The following NF2 variants were observed in gnomAD, a reference collection of about 807,000 sequenced individuals.
NF2 encodes NF2, moesin-ezrin-radixin like (MERLIN) tumor suppressor.
A neutral mutation model predicts 83.7 loss-of-function variants in NF2; 8 were observed. The ratio of observed to expected loss-of-function variants is 0.10; its 90% CI spans 0.06 to 0.17. The LOEUF is 0.17. NF2 is among the 10% of genes least tolerant of loss of function. The pLI, the probability that NF2 is intolerant of heterozygous loss-of-function variation, is 1.00. For missense variants in NF2, 533 were observed against 744.4 expected (o/e 0.72, Z 3.31); for synonymous variants, 266 against 269.6 (o/e 0.99, Z 0.13).
chr22:29,630,310 A>G (rs1241002199), intron 1 of NF2, among the ~76,000 whole-genome samples: 5 of 152,224 alleles, frequency 3.3e-5, no homozygotes, highest in African/African-American at 1.2e-4. Flanking sequence ...AGTGCTATTT[A>G]CTTAAAACAT....
rs746841804 is a variant in NF2 at position 29,694,867 on chromosome 22, A to G, written c.*65A>G. The G allele has an allele frequency of 1.3e-5, 20 of 1,524,848 alleles. No individual in the cohort carries two copies. Among genetic ancestry groups the G allele is most frequent in the African/African-American group, 2.8e-5 (2 of 72,708 alleles). The allele number at this position is 1,524,848 out of a possible 1,614,324, so 94.5% of individuals were successfully genotyped here. Reference sequence around the variant, plus strand: ...CTACCGGGACCGCGGGATGGACCAGATATCAAGAGAGCCATCCATAGGGAG... The same window carrying G: ...CTACCGGGACCGCGGGATGGACCAGGTATCAAGAGAGCCATCCATAGGGAG... On this transcript the variant is annotated 3_prime_UTR_variant, in exon 16 of 16. Coordinates refer to ENST00000338641, the MANE Select transcript of NF2 (RefSeq NM_000268.4). This position sits in a 1 kb window ranked among gnomAD's most constrained non-coding sequence, Gnocchi z 4.1.
chr22:29,654,558 T>A, intron 4 of NF2, 99 bp from the exon 5 acceptor site: 1 of 977,974 alleles, frequency 1.0e-6, no homozygotes, highest in South Asian at 1.3e-5. Flanking sequence ...ATTGAATTGC[T>A]CCCTGGAGCT....
At chr22:29,644,213 C>T (rs1208651260) in intron 4 of NF2, among the ~76,000 whole-genome samples, 29 of 148,788 alleles carry the variant, frequency 1.9e-4, no homozygotes, top group African/African-American at 6.1e-4. Context: ...ACGGGGCGGC[C>T]GGGCAGAGAT....
At chr22:29,642,945 T>C (rs995521795) in intron 4 of NF2, among the ~76,000 whole-genome samples, 5 of 151,550 alleles carry the variant, frequency 3.3e-5, no homozygotes, top group Non-Finnish European at 7.4e-5. Flanking sequence ...TCACTTCCGT[T>C]AAATCACTAT....
chr22:29,689,696 C>T lies in NF2; in HGVS notation c.1738-5056C>T, dbSNP rs149682301. ...GACTAGTTGAAGGAATCCTGGTGCTCTGATTAGTTTTGTTCCCCAGCTTAA... is the reference window on the plus strand; with the variant it reads ...GACTAGTTGAAGGAATCCTGGTGCTTTGATTAGTTTTGTTCCCCAGCTTAA... On this transcript the variant is annotated intron_variant, in intron 15 of 15. Coordinates refer to ENST00000338641, the MANE Select transcript of NF2 (RefSeq NM_000268.4). Among the ~76,000 whole-genome samples the T allele has an allele frequency of 2.1e-4, 32 of 152,236 alleles. 1 individual carries two copies. The highest frequency in any genetic ancestry group is 7.2e-4 in the African/African-American group (30 of 41,530).
chr22:29,652,921 A>G (rs2066191600), intron 4 of NF2, among the ~76,000 whole-genome samples: 1 of 152,092 alleles, frequency 6.6e-6, no homozygotes, highest in African/African-American at 2.4e-5. Flanking sequence ...ATAATTTCTA[A>G]GTTATTTTTT....
chr22:29,637,221 C>T (rs1436104786), intron 2 of NF2, among the ~76,000 whole-genome samples: 2 of 152,060 alleles, frequency 1.3e-5, no homozygotes, highest in African/African-American at 4.8e-5. Context: ...TAAAAATAAC[C>T]AATTTGTGTC....
chr22:29,618,256 T>C (rs2065126272), intron 1 of NF2, among the ~76,000 whole-genome samples: 1 of 152,184 alleles, frequency 6.6e-6, no homozygotes, highest in African/African-American at 2.4e-5. Context: ...ATGTTGTCCA[T>C]TAATGAGCAA....
chr22:29,610,223 G>A (rs779106817), intron 1 of NF2, among the ~76,000 whole-genome samples: 1 of 152,100 alleles, frequency 6.6e-6, no homozygotes, highest in Non-Finnish European at 1.5e-5. Context: ...GTGTGAGCCT[G>A]GAGTCCCAGC....
chr22:29,631,923 T>C (rs2065522984), intron 1 of NF2, among the ~76,000 whole-genome samples: 1 of 152,234 alleles, frequency 6.6e-6, no homozygotes, highest in Non-Finnish European at 1.5e-5. Flanking sequence ...ATCACTTATC[T>C]ATATTCCTTT....
intron 7 of NF2, among the ~76,000 whole-genome samples, chr22:29,660,652 C>T (rs1259706670): frequency 6.6e-6 from 1 of 152,212 alleles, no homozygotes; most frequent in African/African-American, 2.4e-5. Flanking sequence ...TCACTGCAGC[C>T]TTCTGGGTTC....
intron 14 of NF2, among the ~76,000 whole-genome samples, chr22:29,680,055 G>T (rs1197552912): frequency 2.6e-5 from 4 of 151,322 alleles, no homozygotes; most frequent in Admixed American, 2.6e-4. Context: ...TTTTATAAGG[G>T]CACTAATCCC....
chr22:29,632,787 G>T (rs190309585), intron 1 of NF2, among the ~76,000 whole-genome samples: 44 of 152,308 alleles, frequency 2.9e-4, no homozygotes, highest in African/African-American at 1.1e-3. Flanking sequence ...GCACTGTGGG[G>T]AGCAGAAAGA....
At chr22:29,641,680 C>T (rs747680816) in intron 3 of NF2, among the ~76,000 whole-genome samples, 6 of 152,184 alleles carry the variant, frequency 3.9e-5, no homozygotes, top group Non-Finnish European at 5.9e-5. Context: ...CTGGACCTCA[C>T]GTGTACTTAA....
At chr22:29,617,546 A>T (rs963614368) in intron 1 of NF2, among the ~76,000 whole-genome samples, 1 of 152,010 alleles carries the variant, frequency 6.6e-6, no homozygotes, top group Non-Finnish European at 1.5e-5. Context: ...GGTAGGGAGG[A>T]CACCCTCCAA....
chr22:29,665,615 A>T lies in NF2; in HGVS notation c.885+551A>T, dbSNP rs202133754. Among the ~76,000 whole-genome samples the T allele has an allele frequency of 9.8e-5, 15 of 152,310 alleles. No individual in the cohort carries two copies. The East Asian group carries it at 2.9e-3, about 29-fold the overall frequency. ...ATAAAAGGATAAGTGTAACATATGA[A>T]TTATAAAGAATAACAAAAGTGAATA... is the stretch of plus-strand genomic sequence containing the variant. On this transcript the variant is annotated intron_variant, in intron 9 of 15. Transcript: ENST00000338641.
At chr22:29,629,675 A>G (rs2065458172) in intron 1 of NF2, among the ~76,000 whole-genome samples, 1 of 152,220 alleles carries the variant, frequency 6.6e-6, no homozygotes, top group Non-Finnish European at 1.5e-5. Flanking sequence ...GACAATTTTT[A>G]TGGCAAATGC....
intron 11 of NF2, among the ~76,000 whole-genome samples, chr22:29,672,262 C>T (rs2066817149): frequency 6.6e-6 from 1 of 151,796 alleles, no homozygotes; most frequent in South Asian, 2.1e-4. Flanking sequence ...GCACCTCACC[C>T]TCCATTTGTA....
chr22:29,691,406 G>A (rs1185547915), intron 15 of NF2, among the ~76,000 whole-genome samples: 1 of 152,236 alleles, frequency 6.6e-6, no homozygotes, highest in Non-Finnish European at 1.5e-5. Flanking sequence ...GCTGGGCAGT[G>A]TAGAGGGACC....
Sources: gnomAD v4.1 joint callset for allele counts (sites outside exome capture counted in the v4.1 genomes callset) on GRCh38, gnomAD v4.1.1 for gene constraint, Gnocchi (gnomAD v3.1) non-coding constraint, MANE v1.5 for transcripts, NCBI Gene and HGNC (gene_info 2026-07-23, HGNC 2026-07-21) for gene names.